Variants in RFX3 observed in about 807,000 individuals in gnomAD.
The protein encoded by RFX3 is transcription factor RFX3.
In RFX3, 14 loss-of-function variants were observed where a neutral mutation model predicts 98.6. That is an observed-to-expected ratio of 0.14 (90% CI 0.09 to 0.22). The LOEUF is 0.22. Ranked by LOEUF, RFX3 falls within the 10% of genes least tolerant of loss-of-function variation. RFX3 has a pLI of 1.00. For missense variants in RFX3, 639 were observed against 926.9 expected (o/e 0.69, Z 4.03); for synonymous variants, 383 against 328.4 (o/e 1.17, Z -1.80).
At chr9:3,237,936 G>A (rs923913980) in intron 15 of RFX3, among the ~76,000 whole-genome samples, 4 of 148,990 alleles carry the variant, frequency 2.7e-5, no homozygotes, top group Non-Finnish European at 4.4e-5. Context: ...TTGTGCCACT[G>A]CACTCCAGCT....
chr9:3,496,034 T>A (rs1851084851), intron 1 of RFX3, among the ~76,000 whole-genome samples: 1 of 151,970 alleles, frequency 6.6e-6, no homozygotes. Context: ...GACTCCACTG[T>A]TACTTTACTG....
At chr9:3,461,202 G>C (rs1246438939) in intron 1 of RFX3, among the ~76,000 whole-genome samples, 1 of 151,672 alleles carries the variant, frequency 6.6e-6, no homozygotes, top group Non-Finnish European at 1.5e-5. Context: ...ATATATGAGA[G>C]CAACAAACTA....
intron 3 of RFX3, among the ~76,000 whole-genome samples, chr9:3,342,679 A>AC (rs961139168): frequency 1.3e-5 from 2 of 151,924 alleles, no homozygotes; most frequent in African/African-American, 4.8e-5. Flanking sequence ...TTAAAAAAAA[A>AC]CTTCTTAGCT....
At chr9:3,513,593 A>G (rs923098443) in intron 1 of RFX3, among the ~76,000 whole-genome samples, 1 of 152,222 alleles carries the variant, frequency 6.6e-6, no homozygotes, top group Non-Finnish European at 1.5e-5. Context: ...ATTTTAATAG[A>G]GAGGCTTACA....
At chr9:3,427,375 A>ACATAATACTATATATAAATATATATTG (rs1844178144) in intron 1 of RFX3, among the ~76,000 whole-genome samples, 3 of 130,190 alleles carry the variant, frequency 2.3e-5, no homozygotes, top group Admixed American at 7.6e-5. Context: ...ATATATTGTT[A>ACATAATACTATATATAAATATATATTG]TTATATAATA....
In RFX3 at chr9:3,219,405, G is replaced by C. The variant is rs769984031; in HGVS notation, c.*5637C>G. 19 of 149,722 alleles carry C rather than the reference G, an allele frequency of 1.3e-4. No homozygotes were observed. The highest frequency in any genetic ancestry group is 2.5e-4 in the Non-Finnish European group (17 of 67,654). The allele number at this position is 149,722 out of a possible 1,614,324, so 9.3% of individuals were successfully genotyped here. On this transcript the variant is annotated 3_prime_UTR_variant, in exon 17 of 17. Transcript: ENST00000617270. ...AGCTACATAAACAATTCTTACCAAA[G>C]ATTTTCATTACTCAGGGCTTCCAAT... is the stretch of plus-strand genomic sequence containing the variant.
chr9:3,446,068 T>C (rs1846021288), intron 1 of RFX3, among the ~76,000 whole-genome samples: 1 of 152,144 alleles, frequency 6.6e-6, no homozygotes, highest in African/African-American at 2.4e-5. Context: ...CTCATCCCTG[T>C]ATCTCCACTG....
chr9:3,496,464 T>G (rs941429958), intron 1 of RFX3, among the ~76,000 whole-genome samples: 3 of 152,008 alleles, frequency 2.0e-5, no homozygotes, highest in African/African-American at 4.8e-5. Context: ...GATTGTCTAC[T>G]GCCATGTTAC....
chr9:3,467,217 A>G (rs866198997), intron 1 of RFX3, among the ~76,000 whole-genome samples: 19 of 143,994 alleles, frequency 1.3e-4, no homozygotes, highest in African/African-American at 5.0e-4. Flanking sequence ...ATATACATAT[A>G]TAATGTATAT....
At chr9:3,468,928 T>G (rs1848551351) in intron 1 of RFX3, among the ~76,000 whole-genome samples, 2 of 151,900 alleles carry the variant, frequency 1.3e-5, no homozygotes, top group South Asian at 4.1e-4. Flanking sequence ...AATGTAAAAC[T>G]ACATAGTTGT....
chr9:3,424,087 C>T (rs1373802771), intron 1 of RFX3, among the ~76,000 whole-genome samples: 3 of 150,408 alleles, frequency 2.0e-5, no homozygotes, highest in Non-Finnish European at 3.0e-5. Context: ...GTGGAGCTTG[C>T]AGTGAGCTGA....
intron 1 of RFX3, among the ~76,000 whole-genome samples, chr9:3,409,134 C>G (rs1842244499): frequency 6.6e-6 from 1 of 152,174 alleles, no homozygotes; most frequent in South Asian, 2.1e-4. Context: ...TGTCATTTTG[C>G]TATCTTCTAG....
At chr9:3,488,647 A>G (rs1275342949) in intron 1 of RFX3, 2 of 245,246 alleles carry the variant, frequency 8.2e-6, no homozygotes, top group Admixed American at 1.3e-4. Flanking sequence ...CATAAATGCA[A>G]TTACTAACTA....
intron 15 of RFX3, among the ~76,000 whole-genome samples, chr9:3,235,624 C>T (rs926064105): frequency 2.0e-5 from 3 of 152,026 alleles, no homozygotes; most frequent in Non-Finnish European, 4.4e-5. Context: ...TTTTTTTTAC[C>T]TCTTTTTCAG....
chr9:3,417,738 A>C (rs1843101922), intron 1 of RFX3, among the ~76,000 whole-genome samples: 1 of 152,184 alleles, frequency 6.6e-6, no homozygotes, highest in East Asian at 1.9e-4. Context: ...TTTCAGAATT[A>C]GGATTAAAGG....
rs372041772 is a variant in RFX3 at position 3,425,614 on chromosome 9, G to A, written c.-8-30018C>T. 8.1e-4 allele frequency among the ~76,000 whole-genome samples: 124 copies of A among 152,278 alleles called. 3 individuals are homozygous for A. The South Asian group carries it at 0.025, about 30-fold the overall frequency. Reference sequence around the variant, plus strand: ...CGATTAGATATTTCAGCTGTTTAATGTGGCACATTATAGTATATTCATACT... The same window carrying A: ...CGATTAGATATTTCAGCTGTTTAATATGGCACATTATAGTATATTCATACT... On this transcript the variant is annotated intron_variant, in intron 1 of 16. Transcript: ENST00000617270.
intron 1 of RFX3, among the ~76,000 whole-genome samples, chr9:3,514,505 A>G (rs1378568054): frequency 6.6e-6 from 1 of 152,086 alleles, no homozygotes; most frequent in Non-Finnish European, 1.5e-5. Context: ...TCTGTTGCCC[A>G]GGCTCCGGGT....
intron 1 of RFX3, among the ~76,000 whole-genome samples, chr9:3,406,814 T>C (rs1213254691): frequency 1.3e-5 from 2 of 152,356 alleles, no homozygotes; most frequent in East Asian, 1.9e-4. Context: ...TCTATTACAA[T>C]GGAATTTTAT....
chr9:3,461,175 A>C (rs1847653687), intron 1 of RFX3, among the ~76,000 whole-genome samples: 1 of 151,718 alleles, frequency 6.6e-6, no homozygotes, highest in African/African-American at 2.4e-5. Context: ...ACAAGGTTAA[A>C]ATTCTAATAT....
Sources: gnomAD v4.1 joint callset for allele counts (sites outside exome capture counted in the v4.1 genomes callset) on GRCh38, gnomAD v4.1.1 for gene constraint, MANE v1.5 for transcripts, NCBI Gene and HGNC (gene_info 2026-07-23, HGNC 2026-07-21) for gene names.